Variants in INSC observed in about 807,000 individuals in gnomAD.
INSC encodes the protein protein inscuteable homolog.
A neutral mutation model predicts 58.6 loss-of-function variants in INSC; 67 were observed. The observed-to-expected ratio is 1.14, with a 90% CI of 0.94 to 1.40. The LOEUF (loss-of-function observed/expected upper bound fraction) is 1.40, where lower values mean the gene tolerates loss of function less well. Ranked by LOEUF, INSC falls within the 40% of genes most tolerant of loss-of-function variation. The pLI is 0.00. For synonymous variants in INSC, 262 were observed against 276.1 expected (o/e 0.95, Z 0.51); for missense variants, 714 against 692.0 (o/e 1.03, Z -0.36).
chr11:15,255,328 G>C, the INSC span, among the ~76,000 whole-genome samples: 3 of 152,106 alleles, frequency 2.0e-5, no homozygotes, highest in African/African-American at 7.2e-5. Flanking sequence ...TTCAGTCATA[G>C]ATATGAAAAT....
chr11:15,253,644 T>TTA, the INSC span, among the ~76,000 whole-genome samples: 3 of 149,616 alleles, frequency 2.0e-5, no homozygotes, highest in Admixed American at 6.6e-5. Context: ...TTTTTTTTTT[T>TTA]AATAATATTC....
intron 7 of INSC, among the ~76,000 whole-genome samples, chr11:15,202,489 T>C (rs1564900568): frequency 6.6e-6 from 1 of 151,974 alleles, no homozygotes; most frequent in African/African-American, 2.4e-5. Context: ...GAGAGGATGG[T>C]GAGAGAGAGA....
rs772442873 is a variant in INSC, at chr11:15,240,532, TCA to T, written c.1470+10_1470+11del. The T allele has an allele frequency of 1.2e-6, 2 of 1,611,102 alleles. No individual in the cohort carries two copies. Among genetic ancestry groups the T allele is most frequent in the Admixed American group, 1.7e-5 (1 of 59,866 alleles). ...TGCTTGTGGCCTGCCTGGTGAGTTC[TCA>T]GTCTTCCCCCAGCTTTTCCCCTGGC... On this transcript the variant is annotated intron_variant, in intron 12 of 12. Transcript: ENST00000379556.
rs867743982 is a variant in INSC, at chr11:15,230,020, A to T, written c.1170+4192A>T. 3.1e-3 allele frequency among the ~76,000 whole-genome samples: 168 copies of T among 53,782 alleles called. 22 individuals carry two copies. Among genetic ancestry groups the T allele is most frequent in the African/African-American group, 0.013 (153 of 11,456 alleles). 35.3% of individuals were successfully genotyped at this position (53,782 alleles called of 152,430 possible). A position where few individuals can be genotyped will look rare whatever the true frequency, so the allele number is the denominator to read the frequency against. On this transcript the variant is annotated intron_variant, in intron 9 of 12. Transcript: ENST00000379556. Reference sequence around the variant, plus strand: ...ATATATATATATATATATAATATATATATATATATATATATATATAAAAGC... The same window carrying T: ...ATATATATATATATATATAATATATTTATATATATATATATATATAAAAGC...
downstream of INSC, among the ~76,000 whole-genome samples, chr11:15,249,049 A>G (rs1852622533): frequency 6.6e-6 from 1 of 152,200 alleles, no homozygotes; most frequent in South Asian, 2.1e-4. Flanking sequence ...TGTGAGTGAC[A>G]TGGAGTCTGG....
At chr11:15,167,683 T>C (rs1849250603) in intron 2 of INSC, among the ~76,000 whole-genome samples, 1 of 151,990 alleles carries the variant, frequency 6.6e-6, no homozygotes, top group South Asian at 2.1e-4. Flanking sequence ...GGGGTATCGC[T>C]ATGTTGCTCA....
At chr11:15,238,364 C>T (rs1011065090) in intron 10 of INSC, among the ~76,000 whole-genome samples, 3 of 152,150 alleles carry the variant, frequency 2.0e-5, no homozygotes, top group Admixed American at 6.5e-5. Flanking sequence ...TCACCTCTTA[C>T]CTGGGGGATT....
chr11:15,149,101 C>G lies in INSC; in HGVS notation c.-45-29C>G, dbSNP rs750343889. On this transcript the variant is annotated intron_variant, in intron 1 of 12. Transcript: ENST00000379556. The stretch of plus-strand genomic sequence containing the variant: ...GATTGTGCCTCCTCTTTTAGGATCT[C>G]GTTGTGCCATCCTGCCCTCTATTTT... 11 of 1,556,292 alleles carry G rather than the reference C, an allele frequency of 7.1e-6. No homozygotes were observed. In the South Asian group the frequency reaches 1.3e-4, roughly 19 times the overall value.
At chr11:15,186,471 A>G (rs564713785) in intron 5 of INSC, among the ~76,000 whole-genome samples, 8 of 152,120 alleles carry the variant, frequency 5.3e-5, no homozygotes, top group African/African-American at 1.2e-4. Flanking sequence ...TTTCCAACAA[A>G]CTAATCTAGA....
intron 6 of INSC, among the ~76,000 whole-genome samples, chr11:15,199,969 C>T (rs926828274): frequency 9.2e-5 from 14 of 152,078 alleles, no homozygotes; most frequent in African/African-American, 3.4e-4. Flanking sequence ...TTGGCTCCAG[C>T]GATTATTATG....
chr11:15,232,130 A>G (rs931793257), intron 9 of INSC, among the ~76,000 whole-genome samples: 19 of 152,224 alleles, frequency 1.2e-4, no homozygotes, highest in Non-Finnish European at 2.1e-4. Flanking sequence ...TGAAAATGCC[A>G]CAGAAGGTAG....
chr11:15,222,605 T>C (rs985404084), intron 8 of INSC, among the ~76,000 whole-genome samples: 1 of 152,142 alleles, frequency 6.6e-6, no homozygotes, highest in African/African-American at 2.4e-5. Context: ...CTTCTTACCA[T>C]GTCACATTGT....
Position 15,221,565 on chromosome 11 carries a change from A to C in INSC, c.908A>C (p.Gln303Pro), listed in dbSNP as rs752443609. The part of the protein sequence containing the change: ...TRAEAAAVVA[Q>P]VTSPHLPVTQ... ...GCTGAGGCTGCGGCTGTGGTGGCCC[A>C]GGTCACCTCCCCACACCTGCCCGTC... The change falls in exon 8 of 13, where the codon CAG becomes CCG. Residue 303 changes from glutamine (Q) to proline (P), a missense_variant. Gln to Pro is a moderately conservative substitution (Grantham distance 76). Coordinates refer to ENST00000379556, the MANE Select transcript of INSC (RefSeq NM_001042536.3). 8.1e-6 allele frequency: 13 copies of C among 1,613,928 alleles called. No individual in the cohort carries two copies. Among genetic ancestry groups the C allele is most frequent in the Non-Finnish European group, 1.1e-5 (13 of 1,179,978 alleles).
At chr11:15,123,620 AAGG>A (rs1847924204) in intron 1 of INSC, among the ~76,000 whole-genome samples, 2 of 152,156 alleles carry the variant, frequency 1.3e-5, no homozygotes, top group African/African-American at 4.8e-5. Flanking sequence ...AGATGTCACT[AAGG>A]AGCTTTTGGG....
intron 5 of INSC, among the ~76,000 whole-genome samples, chr11:15,185,994 G>A (rs915470211): frequency 2.2e-4 from 32 of 143,468 alleles, no homozygotes; most frequent in Non-Finnish European, 4.3e-4. Flanking sequence ...TGTATTATGA[G>A]GTCTATTGTT....
chr11:15,234,005 G>A (rs532471005), intron 9 of INSC, among the ~76,000 whole-genome samples: 26 of 152,230 alleles, frequency 1.7e-4, no homozygotes, highest in Non-Finnish European at 3.2e-4. Flanking sequence ...GCCCACAAAC[G>A]CAATCTTAAA....
chr11:15,126,832 C>G (rs1454774025), intron 1 of INSC, among the ~76,000 whole-genome samples: 1 of 152,182 alleles, frequency 6.6e-6, no homozygotes, highest in Admixed American at 6.5e-5. Flanking sequence ...CCATCTTGAC[C>G]CAGACAAAAG....
At chr11:15,183,531 C>T (rs894304747) in intron 5 of INSC, among the ~76,000 whole-genome samples, 1 of 151,952 alleles carries the variant, frequency 6.6e-6, no homozygotes, top group Non-Finnish European at 1.5e-5. Context: ...TATTCTCAAA[C>T]AGTGTGTGGC....
the INSC span, among the ~76,000 whole-genome samples, chr11:15,261,494 T>G: frequency 6.6e-6 from 1 of 152,192 alleles, no homozygotes; most frequent in East Asian, 1.9e-4. Context: ...CATTTTAAAT[T>G]AAGCACCTAT....
Sources: allele counts gnomAD v4.1 joint callset (sites outside exome capture counted in the v4.1 genomes callset), GRCh38; gene constraint gnomAD v4.1.1; transcripts MANE v1.5; gene names NCBI Gene and HGNC (gene_info 2026-07-23, HGNC 2026-07-21).